HECW2: variants seen among roughly 807,000 people sequenced by gnomAD.
HECW2 encodes the protein E3 ubiquitin-protein ligase HECW2.
Under a neutral mutation model 175.2 loss-of-function variants are expected in HECW2, and 61 were observed. The observed-to-expected ratio is 0.35, with a 90% CI of 0.28 to 0.43. HECW2 has a LOEUF of 0.43. Among genes scored for constraint, HECW2 ranks in the 20% least tolerant of loss-of-function variants. The pLI is 1.00. For missense variants in HECW2, 1,524 were observed against 2,000.5 expected, an observed-to-expected ratio of 0.76 and a Z score of 4.54; for synonymous variants, 671 against 731.0, an observed-to-expected ratio of 0.92 and a Z score of 1.32.
chr2:196,353,122 AG>A, intron 2 of HECW2, among the ~76,000 whole-genome samples: 1 of 152,034 alleles, frequency 6.6e-6, no homozygotes, highest in East Asian at 1.9e-4. Context: ...ACCCCCTTCC[AG>A]CCACATTGAC....
At chr2:196,507,937 C>T (rs1687823532) in intron 1 of HECW2, among the ~76,000 whole-genome samples, 1 of 152,210 alleles carries the variant, frequency 6.6e-6, no homozygotes, top group East Asian at 1.9e-4. Flanking sequence ...TCTCCTGTGA[C>T]ATTAACACTC....
Position 196,278,133 on chromosome 2 carries a change from A to AAAT in HECW2, c.3135+394_3135+395insATT, listed in dbSNP as rs531920307. 2.9e-4 allele frequency among the ~76,000 whole-genome samples: 19 copies of AAAT among 66,550 alleles called. 2 individuals are homozygous for AAAT. The highest frequency in any genetic ancestry group is 8.9e-4 in the Admixed American group (4 of 4,500). 43.7% of individuals were successfully genotyped at this position (66,550 alleles called of 152,430 possible). Reference sequence around the variant, plus strand: ...CCTAGAACTTAAAGTATAATTAAAAAATATATATATATATATATAAAGAAA... The same window carrying AAAT: ...CCTAGAACTTAAAGTATAATTAAAAAAATATATATATATATATATATAAAGAAA... On this transcript the variant is annotated intron_variant, in intron 15 of 28. Transcript: ENST00000644978.
intron 1 of HECW2, among the ~76,000 whole-genome samples, chr2:196,434,132 T>C (rs567633249): frequency 6.6e-6 from 1 of 152,350 alleles, no homozygotes; most frequent in South Asian, 2.1e-4. Flanking sequence ...CTGACAAGAA[T>C]GTAAGTTTCA....
At chr2:196,363,008 T>C (rs1394557726) in intron 2 of HECW2, among the ~76,000 whole-genome samples, 4 of 152,178 alleles carry the variant, frequency 2.6e-5, no homozygotes, top group Non-Finnish European at 4.4e-5. Context: ...ACCTCTCTAT[T>C]GTTCCCTTAA....
intron 1 of HECW2, among the ~76,000 whole-genome samples, chr2:196,482,723 C>T (rs566936826): frequency 2.8e-4 from 43 of 152,280 alleles, no homozygotes; most frequent in African/African-American, 4.1e-4. Context: ...ATGCTGCTGA[C>T]GCATGCTCCA....
At chr2:196,527,625 C>T (rs1688713905) in intron 1 of HECW2, among the ~76,000 whole-genome samples, 1 of 152,154 alleles carries the variant, frequency 6.6e-6, no homozygotes, top group African/African-American at 2.4e-5. Context: ...CAAATTTTAC[C>T]CTACATTGAA....
chr2:196,367,807 T>C (rs113669729), intron 2 of HECW2, among the ~76,000 whole-genome samples: 3,561 of 151,948 alleles, frequency 0.023, 135 homozygotes, highest in African/African-American at 0.082. Flanking sequence ...TCCATGTTGT[T>C]GCAAATGACA....
At chr2:196,244,695 A>G (rs146758491) in intron 19 of HECW2, among the ~76,000 whole-genome samples, 185 of 152,370 alleles carry the variant, frequency 1.2e-3, no homozygotes, top group African/African-American at 4.3e-3. Context: ...CACACCTTGC[A>G]AAAGAAGGAG....
intron 2 of HECW2, among the ~76,000 whole-genome samples, chr2:196,367,777 C>CA (rs752693304): frequency 1.8e-4 from 27 of 152,042 alleles, no homozygotes; most frequent in Middle Eastern, 3.4e-3. Context: ...TTTCACTTAA[C>CA]ATAATGACCT....
At chr2:196,275,563 C>A (rs184958158) in intron 15 of HECW2, among the ~76,000 whole-genome samples, 17 of 152,188 alleles carry the variant, frequency 1.1e-4, no homozygotes, top group Non-Finnish European at 1.8e-4. Flanking sequence ...ACCATCCTGG[C>A]CAACATGGTG....
chr2:196,246,679 T>C (rs1044969878), intron 19 of HECW2, among the ~76,000 whole-genome samples: 1 of 152,106 alleles, frequency 6.6e-6, no homozygotes, highest in Non-Finnish European at 1.5e-5. Context: ...CATGAGCCAC[T>C]GTGCCCTGCC....
In HECW2 at chr2:196,204,605, T is replaced by C. The variant is rs547211202; in HGVS notation, c.4608-3217A>G. ...GCTTGATTTCAGCCTTGTGAGACCATGAGCAGAAGACCCAGCTAAGCTGTG... is the reference window on the plus strand; with the variant it reads ...GCTTGATTTCAGCCTTGTGAGACCACGAGCAGAAGACCCAGCTAAGCTGTG... On this transcript the variant is annotated intron_variant, in intron 28 of 28. Transcript: ENST00000644978. 1.1e-4 allele frequency among the ~76,000 whole-genome samples: 17 copies of C among 152,332 alleles called. No homozygotes were observed. The South Asian group carries it at 3.1e-3, about 28-fold the overall frequency.
intron 22 of HECW2, among the ~76,000 whole-genome samples, chr2:196,227,325 A>T (rs1446393444): frequency 2.0e-5 from 3 of 152,058 alleles, no homozygotes; most frequent in African/African-American, 7.2e-5. Flanking sequence ...AACAGGGGTT[A>T]TACAAATATT....
intron 1 of HECW2, among the ~76,000 whole-genome samples, chr2:196,584,276 C>A (rs530957164): frequency 6.6e-6 from 1 of 152,228 alleles, no homozygotes; most frequent in East Asian, 1.9e-4. Context: ...ATTTATGGGA[C>A]AGGAAGAAGA....
chr2:196,541,045 T>C (rs752816085), intron 1 of HECW2, among the ~76,000 whole-genome samples: 2 of 152,214 alleles, frequency 1.3e-5, no homozygotes, highest in Admixed American at 6.5e-5. Context: ...ACCAACCTCA[T>C]CCAAGTTAAC....
chr2:196,385,175 G>T (rs1418111517), intron 2 of HECW2, among the ~76,000 whole-genome samples: 1 of 152,048 alleles, frequency 6.6e-6, no homozygotes, highest in African/African-American at 2.4e-5. Context: ...GCCTCCCAAA[G>T]TGCTGGGATT....
chr2:196,540,820 A>G (rs1273322303), intron 1 of HECW2, among the ~76,000 whole-genome samples: 1 of 152,182 alleles, frequency 6.6e-6, no homozygotes, highest in Admixed American at 6.5e-5. Flanking sequence ...GAGGAAGCAC[A>G]ATATTTTTAA....
intron 28 of HECW2, among the ~76,000 whole-genome samples, chr2:196,202,748 A>G (rs1686909301): frequency 6.6e-6 from 1 of 152,194 alleles, no homozygotes; most frequent in African/African-American, 2.4e-5. Context: ...AAAAACAGGA[A>G]TGTGAACAGG....
intron 6 of HECW2, 78 bp downstream of exon 6, chr2:196,324,902 T>A: frequency 8.1e-7 from 1 of 1,236,184 alleles, no homozygotes; most frequent in Admixed American, 2.4e-5. Flanking sequence ...ACCTGAGGGA[T>A]GCAAAAGTCT....
Sources: allele counts gnomAD v4.1 joint callset (sites outside exome capture counted in the v4.1 genomes callset), GRCh38; gene constraint gnomAD v4.1.1; transcripts MANE v1.5; gene names NCBI Gene and HGNC (gene_info 2026-07-23, HGNC 2026-07-21).